SPIDR: variants seen among roughly 807,000 people sequenced by gnomAD.
The protein encoded by SPIDR is DNA repair-scaffolding protein.
SPIDR carries 93 observed loss-of-function variants against 104.6 expected under a neutral mutation model. That is an observed-to-expected ratio of 0.89 (90% CI 0.75 to 1.06). The LOEUF (loss-of-function observed/expected upper bound fraction) is 1.06. Ranked by LOEUF, SPIDR falls within the 50% of genes least tolerant of loss-of-function variation. The probability of loss-of-function intolerance (pLI) is 0.00; values close to 1 mark genes in which losing one functional copy is unlikely to be tolerated. For missense variants in SPIDR, 1,154 were observed against 1,111.2 expected (o/e 1.04, Z -0.55); for synonymous variants, 431 against 416.9 (o/e 1.03, Z -0.41).
At chr8:47,485,519 C>G (rs1335785185) in intron 8 of SPIDR, among the ~76,000 whole-genome samples, 1 of 152,212 alleles carries the variant, frequency 6.6e-6, no homozygotes, top group African/African-American at 2.4e-5. Context: ...TCTCCCAGCA[C>G]AGAGTCTGAG....
chr8:47,508,105 A>C (rs1249089687), intron 8 of SPIDR, among the ~76,000 whole-genome samples: 1 of 152,218 alleles, frequency 6.6e-6, no homozygotes, highest in Non-Finnish European at 1.5e-5. Context: ...TACTTGCCTT[A>C]ACAAGCTATT....
chr8:47,622,624 A>G (rs2065336092), intron 10 of SPIDR, among the ~76,000 whole-genome samples: 1 of 152,098 alleles, frequency 6.6e-6, no homozygotes, highest in South Asian at 2.1e-4. Flanking sequence ...GTGACTCGAG[A>G]GTTAGCATCT....
At chr8:47,705,330 G>A (rs2080925050) in intron 14 of SPIDR, among the ~76,000 whole-genome samples, 1 of 152,202 alleles carries the variant, frequency 6.6e-6, no homozygotes, top group African/African-American at 2.4e-5. Flanking sequence ...ATGGCTTCCA[G>A]TGGGCATGTG....
At chr8:47,614,376 A>T (rs898881628) in intron 10 of SPIDR, among the ~76,000 whole-genome samples, 2 of 151,988 alleles carry the variant, frequency 1.3e-5, no homozygotes, top group Non-Finnish European at 2.9e-5. Flanking sequence ...CGTGCACCAC[A>T]ATGCCTGGCT....
intron 5 of SPIDR, among the ~76,000 whole-genome samples, chr8:47,336,938 C>CACTT (rs1554609834): frequency 6.6e-6 from 1 of 152,154 alleles, no homozygotes; most frequent in African/African-American, 2.4e-5. Context: ...CAACACAGCC[C>CACTT]TTCACCTCAC....
At chr8:47,719,857 C>T (rs955795700) in intron 16 of SPIDR, among the ~76,000 whole-genome samples, 1 of 152,228 alleles carries the variant, frequency 6.6e-6, no homozygotes, top group Non-Finnish European at 1.5e-5. Flanking sequence ...AGCCAGGGCT[C>T]CCATGCCCCC....
intron 5 of SPIDR, among the ~76,000 whole-genome samples, chr8:47,296,868 A>C (rs1401813137): frequency 1.3e-5 from 2 of 152,200 alleles, no homozygotes; most frequent in African/African-American, 4.8e-5. Flanking sequence ...GCATTCCATG[A>C]ATATGGATAG....
chr8:47,712,597 T>C (rs764507945), intron 14 of SPIDR, 65 bp from the exon 15 acceptor site: 11 of 1,513,866 alleles, frequency 7.3e-6, no homozygotes, highest in Non-Finnish European at 9.9e-6. Context: ...TAACTTCTGC[T>C]TTTAAATGCT....
At chr8:47,369,661 T>A (rs1554637330) in intron 5 of SPIDR, among the ~76,000 whole-genome samples, 1 of 152,164 alleles carries the variant, frequency 6.6e-6, no homozygotes, top group African/African-American at 2.4e-5. Flanking sequence ...AGCCCAAATG[T>A]TTCTTGGTTG....
At chr8:47,503,404 C>G (rs1376435945) in intron 8 of SPIDR, among the ~76,000 whole-genome samples, 1 of 152,060 alleles carries the variant, frequency 6.6e-6, no homozygotes, top group Non-Finnish European at 1.5e-5. Flanking sequence ...CCTTCTTTGT[C>G]TCTTTTGATC....
chr8:47,484,821 C>A (rs1487030416), intron 8 of SPIDR, among the ~76,000 whole-genome samples: 9 of 152,186 alleles, frequency 5.9e-5, no homozygotes, highest in Non-Finnish European at 2.9e-5. Context: ...TTGTGGCGTT[C>A]AAAGGGAATG....
At chr8:47,533,215 TAGAA>T (rs1162380669) in intron 8 of SPIDR, among the ~76,000 whole-genome samples, 2 of 151,988 alleles carry the variant, frequency 1.3e-5, no homozygotes, top group Non-Finnish European at 2.9e-5. Context: ...AAATCATAAA[TAGAA>T]GGAACAAAAT....
chr8:47,700,130 G>A (rs2079944030), intron 11 of SPIDR, among the ~76,000 whole-genome samples: 1 of 152,110 alleles, frequency 6.6e-6, no homozygotes, highest in African/African-American at 2.4e-5. Context: ...ATGTCCATAA[G>A]TATTTTCTTT....
chr8:47,321,997 A>G (rs1257569869), intron 5 of SPIDR, among the ~76,000 whole-genome samples: 5 of 152,210 alleles, frequency 3.3e-5, no homozygotes, highest in Non-Finnish European at 7.3e-5. Flanking sequence ...AAACCCAAGA[A>G]GAAAACCTAG....
intron 8 of SPIDR, among the ~76,000 whole-genome samples, chr8:47,472,972 C>T (rs565915812): frequency 1.3e-5 from 2 of 152,124 alleles, no homozygotes; most frequent in Admixed American, 1.3e-4. Flanking sequence ...TTCTGGGGGT[C>T]GGGTGTTAAC....
At chr8:47,561,660 CT>C (rs1272404678) in intron 8 of SPIDR, among the ~76,000 whole-genome samples, 1 of 152,214 alleles carries the variant, frequency 6.6e-6, no homozygotes, top group East Asian at 1.9e-4. Context: ...GTGCCCACCC[CT>C]GCCCCTCCTG....
At chr8:47,615,708 C>G (rs973712430) in intron 10 of SPIDR, among the ~76,000 whole-genome samples, 2 of 151,790 alleles carry the variant, frequency 1.3e-5, no homozygotes, top group Non-Finnish European at 2.9e-5. Flanking sequence ...GGAGTTTCGC[C>G]GTATTGGCCA....
At chr8:47,333,879 A>G (rs2049213868) in intron 5 of SPIDR, among the ~76,000 whole-genome samples, 1 of 152,222 alleles carries the variant, frequency 6.6e-6, no homozygotes, top group African/African-American at 2.4e-5. Context: ...TTCATTGACA[A>G]AAACATCATT....
intron 5 of SPIDR, among the ~76,000 whole-genome samples, chr8:47,340,737 C>T (rs1300226346): frequency 3.9e-5 from 6 of 152,202 alleles, no homozygotes; most frequent in African/African-American, 1.4e-4. Flanking sequence ...CCTTCAGCCA[C>T]CTGAACTCTA....
Sources: allele counts gnomAD v4.1 joint callset (sites outside exome capture counted in the v4.1 genomes callset), GRCh38; gene constraint gnomAD v4.1.1; transcripts MANE v1.5; gene names NCBI Gene and HGNC (gene_info 2026-07-23, HGNC 2026-07-21).